NBEA: variants seen among roughly 807,000 people sequenced by gnomAD.
The protein encoded by NBEA is neurobeachin.
Under a neutral mutation model 343.4 loss-of-function variants are expected in NBEA, and 44 were observed. The ratio of observed to expected loss-of-function variants is 0.13; its 90% CI spans 0.10 to 0.16. The LOEUF is 0.16. Among genes scored for constraint, NBEA ranks in the 10% least tolerant of loss-of-function variants. NBEA has a pLI of 1.00. For synonymous variants in NBEA, 1,175 were observed against 1,238.7 expected, an observed-to-expected ratio of 0.95 and a Z score of 1.08; for missense variants, 2,555 against 3,631.3, an observed-to-expected ratio of 0.70 and a Z score of 7.62.
chr13:35,096,459 T>C (rs191706012), intron 10 of NBEA, among the ~76,000 whole-genome samples: 14 of 152,026 alleles, frequency 9.2e-5, no homozygotes, highest in Admixed American at 9.2e-4. Context: ...AGTGAGTAGT[T>C]ATTCTGACAT....
At chr13:35,373,070 G>T (rs1240970212) in intron 38 of NBEA, among the ~76,000 whole-genome samples, 2 of 152,142 alleles carry the variant, frequency 1.3e-5, no homozygotes, top group African/African-American at 4.8e-5. Flanking sequence ...GGAGTCCATG[G>T]TGGGAATGTG....
intron 38 of NBEA, among the ~76,000 whole-genome samples, chr13:35,374,627 G>C (rs978069813): frequency 5.3e-5 from 8 of 152,048 alleles, no homozygotes; most frequent in African/African-American, 1.9e-4. Flanking sequence ...TATGAAATTT[G>C]TATTAAATAA....
chr13:35,665,643 T>C (rs897236509), intron 56 of NBEA, among the ~76,000 whole-genome samples: 1 of 152,114 alleles, frequency 6.6e-6, no homozygotes, highest in African/African-American at 2.4e-5. Context: ...GTTTTGTTTT[T>C]GAGGCATACC....
chr13:35,143,142 A>G (rs182295441), intron 18 of NBEA, among the ~76,000 whole-genome samples: 3 of 152,320 alleles, frequency 2.0e-5, no homozygotes, highest in Non-Finnish European at 4.4e-5. Flanking sequence ...TAATCAAAAA[A>G]AGAATAATAT....
intron 10 of NBEA, among the ~76,000 whole-genome samples, chr13:35,091,333 G>A (rs2065071829): frequency 6.6e-6 from 1 of 151,900 alleles, no homozygotes; most frequent in Non-Finnish European, 1.5e-5. Flanking sequence ...GAAAATATCA[G>A]GGATGTCATG....
At chr13:35,251,430 C>A in intron 34 of NBEA, 1 of 1,054,780 alleles carries the variant, frequency 9.5e-7, no homozygotes, top group Non-Finnish European at 1.1e-6. Context: ...AGTGGTGGCT[C>A]ACTTTGATGC....
chr13:35,031,167 C>A (rs1301062321), intron 1 of NBEA, among the ~76,000 whole-genome samples: 1 of 151,680 alleles, frequency 6.6e-6, no homozygotes, highest in African/African-American at 2.4e-5. Flanking sequence ...TTGGTTCAAT[C>A]AATAAGTGTC....
chr13:35,254,140 G>A (rs575086051), intron 34 of NBEA, among the ~76,000 whole-genome samples: 3 of 151,524 alleles, frequency 2.0e-5, no homozygotes, highest in African/African-American at 7.3e-5. Flanking sequence ...CACCTTTTTG[G>A]GGAAACTATT....
intron 43 of NBEA, among the ~76,000 whole-genome samples, chr13:35,552,185 T>C (rs937685240): frequency 1.3e-5 from 2 of 152,232 alleles, no homozygotes; most frequent in South Asian, 4.1e-4. Flanking sequence ...AATCTTTGTC[T>C]ATCCTCCCTT....
At chr13:35,539,914 T>TGAAAAAAAA (rs2078737346) in intron 41 of NBEA, among the ~76,000 whole-genome samples, 1 of 13,136 alleles carries the variant, frequency 7.6e-5, no homozygotes, top group Non-Finnish European at 1.1e-4. Flanking sequence ...AGACTCCGTC[T>TGAAAAAAAA]CAAAAAAAAA....
At chr13:35,239,643 T>C (rs1245627140) in intron 34 of NBEA, among the ~76,000 whole-genome samples, 5 of 152,092 alleles carry the variant, frequency 3.3e-5, no homozygotes, top group African/African-American at 9.7e-5. Context: ...CATGTAAACT[T>C]ATGCATACAT....
intron 13 of NBEA, among the ~76,000 whole-genome samples, chr13:35,113,384 T>C (rs2066313209): frequency 6.6e-6 from 1 of 152,176 alleles, no homozygotes; most frequent in African/African-American, 2.4e-5. Context: ...TTCTCTTTGG[T>C]AATTAATAAG....
intron 33 of NBEA, among the ~76,000 whole-genome samples, chr13:35,219,199 G>GCCTTGCCTT (rs1255234329): frequency 1.1e-4 from 17 of 151,810 alleles, no homozygotes; most frequent in African/African-American, 2.4e-4. Context: ...CTGCCTTCCT[G>GCCTTGCCTT]CCTTGCCTTC....
At chr13:35,072,422 G>A (rs1484771994) in intron 10 of NBEA, among the ~76,000 whole-genome samples, 4 of 151,996 alleles carry the variant, frequency 2.6e-5, no homozygotes, top group Non-Finnish European at 4.4e-5. Flanking sequence ...TCATCGTGGA[G>A]ATAAAAGATA....
At chr13:34,966,626 T>C (rs1466734026) in intron 1 of NBEA, among the ~76,000 whole-genome samples, 1 of 151,688 alleles carries the variant, frequency 6.6e-6, no homozygotes, top group African/African-American at 2.4e-5. Context: ...CCTGTGTTTT[T>C]TTTTTTTTTC....
At chr13:34,999,787 A>G (rs889115472) in intron 1 of NBEA, among the ~76,000 whole-genome samples, 1 of 105,504 alleles carries the variant, frequency 9.5e-6, no homozygotes, top group Non-Finnish European at 2.0e-5. Flanking sequence ...GACTGAACAC[A>G]GTTATATGTT....
chr13:35,015,138 AAC>A (rs1491567935), intron 1 of NBEA, among the ~76,000 whole-genome samples: 4 of 124,340 alleles, frequency 3.2e-5, no homozygotes, highest in African/African-American at 1.0e-4. Flanking sequence ...AAAAAAAAAA[AAC>A]AAACAAAAAA....
At chr13:35,088,729 G>T (rs965125647) in intron 10 of NBEA, among the ~76,000 whole-genome samples, 1 of 151,300 alleles carries the variant, frequency 6.6e-6, no homozygotes, top group African/African-American at 2.4e-5. Flanking sequence ...CAATGGAACA[G>T]AACAGAGCCC....
At chr13:34,980,296 G>A (rs1018180205) in intron 1 of NBEA, among the ~76,000 whole-genome samples, 4 of 151,682 alleles carry the variant, frequency 2.6e-5, no homozygotes, top group Non-Finnish European at 5.9e-5. Flanking sequence ...GGGGGAAGAG[G>A]AGATTGACTT....
Sources: gnomAD v4.1 joint callset for allele counts (sites outside exome capture counted in the v4.1 genomes callset) on GRCh38, gnomAD v4.1.1 for gene constraint, MANE v1.5 for transcripts, NCBI Gene and HGNC (gene_info 2026-07-23, HGNC 2026-07-21) for gene names.